Variants in UROC1 observed in about 807,000 individuals in gnomAD.
UROC1 encodes the protein urocanate hydratase 1, also known as urocanate hydratase.
UROC1 carries 79 observed loss-of-function variants against 89.5 expected under a neutral mutation model. The observed-to-expected ratio is 0.88, with a 90% confidence interval of 0.74 to 1.06. UROC1 has a LOEUF of 1.06. Ranked by LOEUF, UROC1 falls within the 50% of genes least tolerant of loss-of-function variation. The probability of loss-of-function intolerance (pLI) is 0.00; values close to 1 mark genes in which losing one functional copy is unlikely to be tolerated. For missense variants in UROC1, 885 were observed against 907.8 expected, an observed-to-expected ratio of 0.97 and a Z score of 0.32; for synonymous variants, 361 against 354.8, an observed-to-expected ratio of 1.02 and a Z score of -0.20.
chr3:126,502,934 T>G (rs570581565), intron 9 of UROC1, among the ~76,000 whole-genome samples: 1 of 141,122 alleles, frequency 7.1e-6, no homozygotes, highest in South Asian at 2.4e-4. Context: ...GTGTGTGTTG[T>G]GTGTTTATGT....
chr3:126,500,233 C>A, intron 11 of UROC1, 79 bp from the exon 12 acceptor site: 1 of 1,428,020 alleles, frequency 7.0e-7, no homozygotes, highest in Non-Finnish European at 9.7e-7. Flanking sequence ...TCGCACCCGC[C>A]ATGCTCCCCA....
rs778315196 is a variant in UROC1, at chr3:126,508,070, G to A, written c.437C>T (p.Ser146Leu). The A allele has an allele frequency of 4.3e-6, 7 of 1,613,914 alleles. No homozygotes were observed. The highest frequency in any genetic ancestry group is 1.7e-5 in the Admixed American group (1 of 60,014). The part of the protein sequence containing the change: ...AQFWLTMFYL[S>L]KMTEEQTLVM... ...CAAAGTCTGCTCCTCTGTCATCTTC[G>A]ACAAGTAGAACATGGTCAGCCAGAA... is the stretch of plus-strand genomic sequence containing the variant. The change falls in exon 5 of 20, where the codon TCG (serine) becomes TTG (leucine). Residue 146 changes from serine to leucine, a missense_variant. Coordinates refer to ENST00000290868, the MANE Select transcript of UROC1 (RefSeq NM_144639.3).
At chr3:126,507,885 G>A in intron 5 of UROC1, 82 bp from the exon 6 acceptor site, 1 of 1,612,544 alleles carries the variant, frequency 6.2e-7, no homozygotes, top group South Asian at 1.1e-5. Flanking sequence ...GCACAGCGTT[G>A]GGGCACTGGG....
intron 18 of UROC1, among the ~76,000 whole-genome samples, chr3:126,483,728 T>C (rs1291358468): frequency 6.6e-6 from 1 of 152,200 alleles, no homozygotes; most frequent in Non-Finnish European, 1.5e-5. Flanking sequence ...CACCACCCAT[T>C]GGAGGTCATC....
At chr3:126,495,421 G>T (rs1479958781) in intron 15 of UROC1, among the ~76,000 whole-genome samples, 6 of 152,122 alleles carry the variant, frequency 3.9e-5, no homozygotes, top group Admixed American at 1.3e-4. Flanking sequence ...TTGTGACTGG[G>T]TTATTTCACT....
intron 18 of UROC1, among the ~76,000 whole-genome samples, chr3:126,485,915 A>G (rs1031352565): frequency 6.6e-6 from 1 of 152,110 alleles, no homozygotes; most frequent in African/African-American, 2.4e-5. Flanking sequence ...CCTGCATCTC[A>G]CCAACAAAAC....
intron 6 of UROC1, 103 bp downstream of exon 6, chr3:126,507,639 G>A (rs1037140125): frequency 3.6e-5 from 43 of 1,196,178 alleles, no homozygotes; most frequent in Non-Finnish European, 4.9e-5. Flanking sequence ...ACAGTTCTGT[G>A]ACTATGTCTT....
intron 18 of UROC1, among the ~76,000 whole-genome samples, chr3:126,484,722 C>CT (rs537591610): frequency 2.8e-4 from 43 of 152,216 alleles, no homozygotes; most frequent in Non-Finnish European, 5.1e-4. Context: ...GCCTACCACC[C>CT]TGCACTTGCA....
chr3:126,496,154 A>C (rs771561629), intron 14 of UROC1, 46 bp from the exon 15 acceptor site: 2 of 1,586,584 alleles, frequency 1.3e-6, no homozygotes, highest in East Asian at 2.3e-5. Context: ...CCAGGGGCAC[A>C]GACCTGCCCT....
intron 1 of UROC1, among the ~76,000 whole-genome samples, chr3:126,511,573 A>G (rs1267614520): frequency 6.6e-6 from 1 of 152,260 alleles, no homozygotes; most frequent in Non-Finnish European, 1.5e-5. Context: ...TGTCAAATGC[A>G]TTAGAAACAT....
At position 126,482,386 on chromosome 3, in the gene UROC1, C is replaced by A. The variant is rs771977054; in HGVS notation, c.1990G>T (p.Val664Leu). Residue 664 changes from valine to leucine, a missense_variant, in exon 20 of 20, where the codon GTG (valine) becomes TTG (leucine). Val to Leu is a conservative substitution (Grantham distance 32). Transcript: ENST00000290868. ...STLVVTLPHK[V>L]EDERVLQQAL... is the part of the protein sequence containing the mutation. ...TGCTGGAGCACCCGCTCGTCCTCCA[C>A]CTTGTGAGGCAGTGTCACCACCAAG... 6.2e-7 allele frequency: 1 copy of A among 1,613,880 alleles called. No homozygotes were observed. Among genetic ancestry groups the A allele is most frequent in the South Asian group, 1.1e-5 (1 of 91,066 alleles).
Position 126,501,958 on chromosome 3 carries a change from C to A in UROC1, c.903-678G>T, listed in dbSNP as rs1308568659. On this transcript the variant is annotated intron_variant, in intron 9 of 19. Transcript: ENST00000290868. ...TCCCAGCTGAAGGACCCTGTGGGAA[C>A]CGTGAGCAGAGCTCACTCCATTCCC... 1.9e-6 allele frequency: 3 copies of A among 1,583,192 alleles called. No homozygotes were observed. In the South Asian group the frequency reaches 3.3e-5, roughly 18 times the overall value.
intron 6 of UROC1, 108 bp from the exon 7 acceptor site, chr3:126,506,119 G>A (rs989126291): frequency 1.7e-6 from 2 of 1,177,084 alleles, no homozygotes; most frequent in Non-Finnish European, 2.5e-6. Flanking sequence ...CTACCCAATA[G>A]GCATTAATAT....
At position 126,501,411 on chromosome 3, in the gene UROC1, G is replaced by A. The variant is rs1015699879; in HGVS notation, c.903-131C>T. The A allele has an allele frequency of 3.7e-6, 4 of 1,085,018 alleles. No homozygotes were observed. The East Asian group carries it at 7.2e-5, about 20-fold the overall frequency. The allele number at this position is 1,085,018 out of a possible 1,614,324, so 67.2% of individuals were successfully genotyped here. A position where few individuals can be genotyped will look rare whatever the true frequency, so the allele number is the denominator to read the frequency against. On this transcript the variant is annotated intron_variant, in intron 9 of 19. Coordinates refer to ENST00000290868, the MANE Select transcript of UROC1 (RefSeq NM_144639.3). Reference sequence around the variant, plus strand: ...AGAGGTGTTGTGTGCAAACGTGGGGGCCATGGGGCTGGGCCATGAAGCATG... The same window carrying A: ...AGAGGTGTTGTGTGCAAACGTGGGGACCATGGGGCTGGGCCATGAAGCATG...
At chr3:126,496,427 G>A (rs1935779204) in intron 14 of UROC1, among the ~76,000 whole-genome samples, 1 of 152,242 alleles carries the variant, frequency 6.6e-6, no homozygotes, top group South Asian at 2.1e-4. Flanking sequence ...GGGCCGTGAG[G>A]AACACAGGAC....
At position 126,482,111 on chromosome 3, in the gene UROC1, G is replaced by T; in HGVS notation, c.*234C>A. On this transcript the variant is annotated 3_prime_UTR_variant, in exon 20 of 20. Coordinates refer to ENST00000290868, the MANE Select transcript of UROC1 (RefSeq NM_144639.3). ...CCTAAATGGACTTTGACAGCCTTCA[G>T]GGCTCCCATGCAAGTGGCATGGTTG... The T allele has an allele frequency of 1.6e-6, 1 of 613,674 alleles. No individual in the cohort carries two copies. The highest frequency in any genetic ancestry group is 2.0e-5 in the South Asian group (1 of 50,068). The allele number at this position is 613,674 out of a possible 1,614,324, so 38.0% of individuals were successfully genotyped here. A position where few individuals can be genotyped will look rare whatever the true frequency, so the allele number is the denominator to read the frequency against.
chr3:126,517,509 A>T, intron 1 of UROC1, 85 bp downstream of exon 1: 1 of 1,605,702 alleles, frequency 6.2e-7, no homozygotes, highest in Non-Finnish European at 8.5e-7. Flanking sequence ...TCCCACTAAG[A>T]GGGCAGGAAG....
Position 126,498,133 on chromosome 3 carries a change from C to T in UROC1, c.1356G>A (p.Val452=), listed in dbSNP as rs200925088. 5.6e-6 allele frequency: 9 copies of T among 1,614,214 alleles called. No homozygotes were observed. The African/African-American group carries it at 6.7e-5, about 12-fold the overall frequency. The change falls in exon 14 of 20, where the codon GTG becomes GTA. Residue 452 remains valine, a synonymous_variant. Coordinates refer to ENST00000290868, the MANE Select transcript of UROC1 (RefSeq NM_144639.3). ...GGTCCTGGGGGTCCCCCGATGTGCA[C>T]ACCCAGCGGAAAGGCCCAAATCCCT... The part of the protein sequence containing the change: ...FSQGFGPFRW[V]CTSGDPQDLA...
At chr3:126,488,461 G>A (rs1935565731) in intron 17 of UROC1, among the ~76,000 whole-genome samples, 182 bp from the exon 18 acceptor site, 1 of 152,256 alleles carries the variant, frequency 6.6e-6, no homozygotes. Context: ...TGGAGCTAGA[G>A]TGGGAGAAAC....
Sources: allele counts gnomAD v4.1 joint callset (sites outside exome capture counted in the v4.1 genomes callset), GRCh38; gene constraint gnomAD v4.1.1; transcripts MANE v1.5; gene names NCBI Gene and HGNC (gene_info 2026-07-23, HGNC 2026-07-21).